Variants in GLRA1 observed in about 807,000 individuals in gnomAD.
GLRA1 encodes glycine receptor subunit alpha-1.
In GLRA1, 37 loss-of-function variants were observed where a neutral mutation model predicts 48.3. That is an observed-to-expected ratio of 0.77 (90% confidence interval 0.59 to 1.01). The LOEUF is 1.01. GLRA1 is among the 50% of genes least tolerant of loss of function. GLRA1 has a pLI of 0.00. For missense variants in GLRA1, 427 were observed against 571.0 expected, an observed-to-expected ratio of 0.75 and a Z score of 2.57; for synonymous variants, 196 against 210.7, an observed-to-expected ratio of 0.93 and a Z score of 0.60.
chr5:151,866,312 G>A (rs1317038910), intron 3 of GLRA1, among the ~76,000 whole-genome samples: 1 of 152,158 alleles, frequency 6.6e-6, no homozygotes, highest in Non-Finnish European at 1.5e-5. Flanking sequence ...TCATTCCACA[G>A]ACATTTATTG....
chr5:151,869,701 C>T (rs887493778), intron 3 of GLRA1, among the ~76,000 whole-genome samples: 1 of 149,322 alleles, frequency 6.7e-6, no homozygotes, highest in East Asian at 1.9e-4. Context: ...GGCGACAGAG[C>T]GAGACTCCAC....
chr5:151,882,748 G>T (rs1753789803), intron 3 of GLRA1, among the ~76,000 whole-genome samples: 1 of 150,826 alleles, frequency 6.6e-6, no homozygotes, highest in Non-Finnish European at 1.5e-5. Flanking sequence ...AGATCTGAGA[G>T]TTTTTTCCCC....
At chr5:151,832,644 ACT>A (rs1275169352) in intron 7 of GLRA1, among the ~76,000 whole-genome samples, 24 of 152,320 alleles carry the variant, frequency 1.6e-4, no homozygotes, top group African/African-American at 5.8e-4. Context: ...GAAATACAGG[ACT>A]CTGTGAAAAG....
chr5:151,822,917 A>G lies in GLRA1; in HGVS notation c.1106T>C (p.Met369Thr). ...EGRFNFSAYG[M>T]GPACLQAKDG... ...CTTGGCCTGTAGACAGGCTGGGCCC[A>G]TCCCATAGGCAGAGAAGTTAAAGCG... Residue 369 changes from methionine to threonine, a missense_variant, in exon 9 of 9, where the codon ATG becomes ACG. Around this residue, in one of 4 missense-constraint regions of GLRA1, gnomAD observed 4 missense variants for 17.6 expected, o/e 0.23. Transcript: ENST00000274576. 1 of 1,613,462 alleles carries G rather than the reference A, an allele frequency of 6.2e-7. No individual in the cohort carries two copies. The highest frequency in any genetic ancestry group is 8.5e-7 in the Non-Finnish European group (1 of 1,179,478).
At chr5:151,879,556 G>C (rs1753710848) in intron 3 of GLRA1, among the ~76,000 whole-genome samples, 1 of 151,992 alleles carries the variant, frequency 6.6e-6, no homozygotes, top group Admixed American at 6.6e-5. Flanking sequence ...TCACCATATT[G>C]GCTAGCCTGG....
intron 7 of GLRA1, chr5:151,850,321 A>T: frequency 1.9e-6 from 3 of 1,573,586 alleles, no homozygotes; most frequent in Non-Finnish European, 2.6e-6. Context: ...AGCATGGGAG[A>T]TCATTTCTGG....
In GLRA1 at chr5:151,822,950, C is replaced by T; in HGVS notation, c.1073G>A (p.Gly358Glu). 1 of 1,606,620 alleles carries T rather than the reference C, an allele frequency of 6.2e-7. No homozygotes were observed. Among genetic ancestry groups the T allele is most frequent in the South Asian group, 1.1e-5 (1 of 90,614 alleles). ...KRRHHKEDEA[G>E]EGRFNFSAYG... ...GGCAGAGAAGTTAAAGCGGCCTTCT[C>T]CAGCTTCATCCTCCTGGAATAGATT... Residue 358 changes from glycine (G) to glutamate (E), a missense_variant, in exon 9 of 9, where the codon GGA becomes GAA. By Grantham distance (98) the Gly-to-Glu change is moderately conservative. This residue lies in a region of GLRA1 where 31 missense variants were observed against 21.9 expected (regional missense o/e 1.41). Coordinates refer to ENST00000274576, the MANE Select transcript of GLRA1 (RefSeq NM_000171.4).
chr5:151,831,540 C>G (rs192652060), intron 7 of GLRA1, among the ~76,000 whole-genome samples: 1 of 152,118 alleles, frequency 6.6e-6, no homozygotes, highest in African/African-American at 2.4e-5. Flanking sequence ...CCAGGAAGTT[C>G]GAACTGGGTG....
intron 7 of GLRA1, among the ~76,000 whole-genome samples, chr5:151,833,312 A>G (rs999336794): frequency 2.6e-5 from 4 of 152,216 alleles, no homozygotes; most frequent in African/African-American, 4.8e-5. Context: ...TTAATCTTAA[A>G]TGTAAACAGG....
intron 1 of GLRA1, among the ~76,000 whole-genome samples, chr5:151,918,764 G>A (rs190210475): frequency 3.9e-5 from 6 of 152,046 alleles, no homozygotes; most frequent in East Asian, 1.9e-4. Flanking sequence ...GGAGGTGGAC[G>A]TCCAGTCTCT....
intron 1 of GLRA1, among the ~76,000 whole-genome samples, chr5:151,904,275 T>C (rs1439096939): frequency 6.6e-6 from 1 of 152,158 alleles, no homozygotes; most frequent in Non-Finnish European, 1.5e-5. Context: ...CTCCAGCAGG[T>C]CACCCCTTTC....
chr5:151,862,519 T>C (rs897335297), intron 3 of GLRA1, among the ~76,000 whole-genome samples: 1 of 152,236 alleles, frequency 6.6e-6, no homozygotes, highest in African/African-American at 2.4e-5. Flanking sequence ...TTTTGCAATC[T>C]ACTAATCTGA....
Position 151,886,806 on chromosome 5 carries a change from TTCCTGCTTAG to T in GLRA1, c.185-28_185-19del. On this transcript the variant is annotated intron_variant, in intron 2 of 8. Transcript: ENST00000274576. ...TGGGGGACCTGCCAATCAAGAGAGA[TTCCTGCTTAG>T]CCCCAAGGCCATGGAAGAACCCACA... 2 of 1,596,494 alleles carry T rather than the reference TTCCTGCTTAG, an allele frequency of 1.3e-6. No homozygotes were observed. The highest frequency in any genetic ancestry group is 1.7e-6 in the Non-Finnish European group (2 of 1,163,898).
chr5:151,875,266 G>C (rs930830204), intron 3 of GLRA1, among the ~76,000 whole-genome samples: 1 of 152,128 alleles, frequency 6.6e-6, no homozygotes, highest in Non-Finnish European at 1.5e-5. Flanking sequence ...AAACTCCTGG[G>C]CTCAAGTGAT....
At chr5:151,916,012 G>A (rs574327063) in intron 1 of GLRA1, among the ~76,000 whole-genome samples, 1 of 152,224 alleles carries the variant, frequency 6.6e-6, no homozygotes, top group East Asian at 1.9e-4. Context: ...GAGGGGGAGG[G>A]TTATTAGACT....
chr5:151,904,094 C>T (rs1754421945), intron 1 of GLRA1, among the ~76,000 whole-genome samples: 1 of 152,152 alleles, frequency 6.6e-6, no homozygotes, highest in Non-Finnish European at 1.5e-5. Context: ...ATCATTGACA[C>T]CTTGTGGGAC....
At position 151,855,002 on chromosome 5, in the gene GLRA1, G is replaced by T. The variant is rs751623853; in HGVS notation, c.697+38C>A. On this transcript the variant is annotated intron_variant, in intron 6 of 8. Coordinates refer to ENST00000274576, the MANE Select transcript of GLRA1 (RefSeq NM_000171.4). ...TCTGAAATGACCTCTGGTCCTGGTT[G>T]GGGGGTGGGATCTGAGGAGGGTGGC... The T allele has an allele frequency of 6.3e-6, 10 of 1,589,066 alleles. No homozygotes were observed. In the East Asian group the frequency reaches 1.8e-4, roughly 28 times the overall value.
intron 3 of GLRA1, among the ~76,000 whole-genome samples, chr5:151,870,868 C>G (rs894810286): frequency 4.7e-5 from 7 of 149,890 alleles, no homozygotes; most frequent in Middle Eastern, 3.4e-3. Flanking sequence ...GGAGCACACT[C>G]CTGGTGGACA....
Position 151,924,584 on chromosome 5 carries a change from A to T in GLRA1, c.-35T>A. On this transcript the variant is annotated 5_prime_UTR_variant, in exon 1 of 9. Coordinates refer to ENST00000274576, the MANE Select transcript of GLRA1 (RefSeq NM_000171.4). ...CCTTGTGCTTTGTAGTCCACGAGTT[A>T]TGGGGGCAAAAATGTTTCAAATTGG... The T allele has an allele frequency of 7.5e-7, 1 of 1,336,810 alleles. No homozygotes were observed. Among genetic ancestry groups the T allele is most frequent in the East Asian group, 2.3e-5 (1 of 43,604 alleles). 82.8% of individuals were successfully genotyped at this position (1,336,810 alleles called of 1,614,324 possible).
Sources: allele counts gnomAD v4.1 joint callset (sites outside exome capture counted in the v4.1 genomes callset), GRCh38; gene constraint gnomAD v4.1.1; regional missense constraint gnomAD v4.1.1; transcripts MANE v1.5; gene names NCBI Gene and HGNC (gene_info 2026-07-23, HGNC 2026-07-21).